Variants in DAAM1 observed in about 807,000 individuals in gnomAD.
DAAM1 encodes dishevelled associated activator of morphogenesis 1.
A neutral mutation model predicts 130.0 loss-of-function variants in DAAM1; 52 were observed. That is an observed-to-expected ratio of 0.40 (90% CI 0.32 to 0.50). The LOEUF (loss-of-function observed/expected upper bound fraction) is 0.50. DAAM1 is among the 20% of genes least tolerant of loss of function. DAAM1 has a pLI of 0.61. For missense variants in DAAM1, 1,134 were observed against 1,303.8 expected (o/e 0.87, Z 2.01); for synonymous variants, 452 against 444.5 (o/e 1.02, Z -0.21).
chr14:59,330,539 C>A lies in DAAM1; in HGVS notation c.1411C>A (p.Arg471=), dbSNP rs147580417. 530 of 1,612,028 alleles carry A rather than the reference C, an allele frequency of 3.3e-4. No individual in the cohort carries two copies. The highest frequency in any genetic ancestry group is 3.7e-4 in the Non-Finnish European group (438 of 1,179,320). Residue 471 remains arginine, a synonymous_variant, in exon 13 of 25, where the codon CGA becomes AGA. Coordinates refer to ENST00000360909, the MANE Select transcript of DAAM1 (RefSeq NM_001270520.2). The part of the protein sequence containing the change: ...ELQQKLEKKE[R]ECDAKTQEKE... ...ACAACAGAAACTGGAAAAGAAAGAA[C>A]GAGAATGTGATGCTAAGACTCAAGA...
At chr14:59,368,520 C>CA in intron 24 of DAAM1, 130 bp from the exon 25 acceptor site, 1 of 928,764 alleles carries the variant, frequency 1.1e-6, no homozygotes, top group East Asian at 2.7e-5. Flanking sequence ...TTGTGATATC[C>CA]AAAGGGGGTT....
chr14:59,281,158 A>G (rs1405753583), intron 2 of DAAM1, among the ~76,000 whole-genome samples: 1 of 152,072 alleles, frequency 6.6e-6, no homozygotes, highest in African/African-American at 2.4e-5. Flanking sequence ...TAGATCTTCC[A>G]CCCTCGGGGG....
chr14:59,258,461 GATGAA>G (rs1566671342), intron 1 of DAAM1, among the ~76,000 whole-genome samples: 1 of 152,226 alleles, frequency 6.6e-6, no homozygotes, highest in African/African-American at 2.4e-5. Context: ...AAATGGGGGT[GATGAA>G]ATGAAGTGAT....
chr14:59,260,811 T>C (rs1191907654), intron 1 of DAAM1, among the ~76,000 whole-genome samples: 6 of 152,196 alleles, frequency 3.9e-5, no homozygotes, highest in African/African-American at 9.7e-5. Context: ...GTGGGTGTAC[T>C]CTCAGGATTG....
chr14:59,347,991 A>C (rs1886147134), intron 17 of DAAM1, among the ~76,000 whole-genome samples: 1 of 151,570 alleles, frequency 6.6e-6, no homozygotes, highest in African/African-American at 2.4e-5. Context: ...TACTACAAAA[A>C]CTGATTCATT....
intron 3 of DAAM1, among the ~76,000 whole-genome samples, chr14:59,292,835 A>G (rs1418156775): frequency 3.3e-5 from 5 of 152,218 alleles, no homozygotes; most frequent in Non-Finnish European, 7.3e-5. Context: ...TGTCATTGTG[A>G]AATAAATGTC....
chr14:59,343,301 G>A (rs1193114586), intron 16 of DAAM1, among the ~76,000 whole-genome samples: 1 of 152,232 alleles, frequency 6.6e-6, no homozygotes, highest in Non-Finnish European at 1.5e-5. Context: ...GACCAGGGCA[G>A]CCATCAGATA....
intron 1 of DAAM1, among the ~76,000 whole-genome samples, chr14:59,261,182 C>T (rs1882144720): frequency 6.6e-6 from 1 of 152,124 alleles, no homozygotes; most frequent in Admixed American, 6.5e-5. Flanking sequence ...GTACTGTTCC[C>T]TCTGCCTAAA....
intron 1 of DAAM1, among the ~76,000 whole-genome samples, chr14:59,232,469 G>A (rs556642426): frequency 4.6e-5 from 7 of 152,114 alleles, no homozygotes; most frequent in East Asian, 1.9e-4. Flanking sequence ...CATTAACAAA[G>A]GAGATGGATA....
chr14:59,238,368 G>A lies in DAAM1; in HGVS notation c.-37-25073G>A, dbSNP rs907946814. ...GCCCTTATGTCCTCTGAACCCTTAC[G>A]GTACTGAACACTCTTTTGTGGCATT... is the stretch of plus-strand genomic sequence containing the variant. On this transcript the variant is annotated intron_variant, in intron 1 of 24. Transcript: ENST00000360909. Among the ~76,000 whole-genome samples, 4 of 152,038 alleles carry A rather than the reference G, an allele frequency of 2.6e-5. No homozygotes were observed. In the East Asian group the frequency reaches 5.8e-4, roughly 22 times the overall value.
intron 16 of DAAM1, among the ~76,000 whole-genome samples, chr14:59,345,058 C>A (rs942299811): frequency 6.6e-6 from 1 of 151,956 alleles, no homozygotes; most frequent in South Asian, 2.1e-4. Context: ...GTTACTGTTC[C>A]TTGGCCTTGC....
In DAAM1 at chr14:59,340,025, C is replaced by G. The variant is rs372429964; in HGVS notation, c.1969-49C>G. 9 of 1,536,160 alleles carry G rather than the reference C, an allele frequency of 5.9e-6. No individual in the cohort carries two copies. The Admixed American group carries it at 1.3e-4, about 23-fold the overall frequency. ...GTAAAGGAAAGTGTGTATCTGAAGT[C>G]TGAATGTCCCTGTTGGACTTTGATG... On this transcript the variant is annotated intron_variant, in intron 15 of 24. Coordinates refer to ENST00000360909, the MANE Select transcript of DAAM1 (RefSeq NM_001270520.2).
rs191183341 is a variant in DAAM1, at chr14:59,193,648, C to G, written c.-38+4880C>G. On this transcript the variant is annotated intron_variant, in intron 1 of 24. Coordinates refer to ENST00000360909, the MANE Select transcript of DAAM1 (RefSeq NM_001270520.2). The stretch of plus-strand genomic sequence containing the variant: ...GCCTTCCCCATCACTCCCAATTAAT[C>G]TGGGGTTACCAAATACACCCTCAGC... Among the ~76,000 whole-genome samples, 5 of 152,292 alleles carry G rather than the reference C, an allele frequency of 3.3e-5. No individual in the cohort carries two copies. In the East Asian group the frequency reaches 9.6e-4, roughly 29 times the overall value.
At chr14:59,246,917 T>A (rs1881407817) in intron 1 of DAAM1, among the ~76,000 whole-genome samples, 1 of 152,308 alleles carries the variant, frequency 6.6e-6, no homozygotes, top group East Asian at 1.9e-4. Flanking sequence ...TTTTTTGTTG[T>A]TGGATTGTAG....
chr14:59,218,718 G>T (rs181514988), intron 1 of DAAM1, among the ~76,000 whole-genome samples: 3 of 152,258 alleles, frequency 2.0e-5, no homozygotes, highest in African/African-American at 4.8e-5. Context: ...TCCTTTGGGG[G>T]AGCTAGAGTT....
intron 1 of DAAM1, among the ~76,000 whole-genome samples, chr14:59,258,007 C>T (rs1391443093): frequency 6.6e-6 from 1 of 152,206 alleles, no homozygotes. Flanking sequence ...TTGCTCTTCA[C>T]GTTCTTCCTT....
chr14:59,324,465 C>A lies in DAAM1; in HGVS notation c.989+11C>A, dbSNP rs1259698827. On this transcript the variant is annotated intron_variant, in intron 8 of 24. Transcript: ENST00000360909. ...TTCAACATTAGATAGGTAAGTCAGA[C>A]TATTATGATGTGAGAAAGTTTCTGT... 2.4e-5 allele frequency: 36 copies of A among 1,530,546 alleles called. No homozygotes were observed. The highest frequency in any genetic ancestry group is 2.8e-5 in the Non-Finnish European group (32 of 1,130,522). 94.8% of individuals were successfully genotyped at this position (1,530,546 alleles called of 1,614,324 possible).
chr14:59,280,660 G>A (rs770230432), intron 2 of DAAM1, among the ~76,000 whole-genome samples: 5 of 149,056 alleles, frequency 3.4e-5, no homozygotes, highest in South Asian at 4.3e-4. Context: ...AGAGTCAGAC[G>A]TACCAATAAC....
intron 1 of DAAM1, among the ~76,000 whole-genome samples, chr14:59,227,909 C>T (rs545490133): frequency 2.8e-4 from 42 of 152,280 alleles, no homozygotes; most frequent in African/African-American, 6.0e-4. Context: ...TTTCTTACCC[C>T]TAGTCATTGC....
Sources: gnomAD v4.1 joint callset for allele counts (sites outside exome capture counted in the v4.1 genomes callset) on GRCh38, gnomAD v4.1.1 for gene constraint, MANE v1.5 for transcripts, NCBI Gene and HGNC (gene_info 2026-07-23, HGNC 2026-07-21) for gene names.